ADAMTS6: variants seen among roughly 807,000 people sequenced by gnomAD.
ADAMTS6 encodes A disintegrin and metalloproteinase with thrombospondin motifs 6.
Under a neutral mutation model 144.3 loss-of-function variants are expected in ADAMTS6, and 23 were observed. That is an observed-to-expected ratio of 0.16 (90% CI 0.11 to 0.23). ADAMTS6 has a LOEUF of 0.23. ADAMTS6 is among the 10% of genes least tolerant of loss of function. The pLI is 1.00. For synonymous variants in ADAMTS6, 444 were observed against 457.5 expected (o/e 0.97, Z 0.38); for missense variants, 999 against 1,379.6 (o/e 0.72, Z 4.37).
At chr5:65,187,909 C>T in intron 22 of ADAMTS6, 107 bp downstream of exon 22, 1 of 1,137,938 alleles carries the variant, frequency 8.8e-7, no homozygotes, top group Non-Finnish European at 1.3e-6. Flanking sequence ...TTACACAGCC[C>T]TTACTTGTTG....
chr5:65,261,719 C>T (rs573535177), intron 13 of ADAMTS6, among the ~76,000 whole-genome samples: 3 of 151,968 alleles, frequency 2.0e-5, no homozygotes, highest in Non-Finnish European at 4.4e-5. Context: ...ATGGTGGTAG[C>T]ATGACTGGTT....
chr5:65,283,001 C>G (rs903207327), intron 11 of ADAMTS6, among the ~76,000 whole-genome samples: 43 of 152,202 alleles, frequency 2.8e-4, no homozygotes, highest in African/African-American at 9.9e-4. Context: ...TTGGGAAACT[C>G]TAAATTCTAG....
intron 20 of ADAMTS6, chr5:65,210,808 A>G (rs1756473418): frequency 1.9e-6 from 1 of 524,828 alleles, no homozygotes; most frequent in East Asian, 3.4e-5. Flanking sequence ...CATAAAGAAC[A>G]GTGTAACTCC....
chr5:65,371,678 C>G (rs1029782892), intron 7 of ADAMTS6, among the ~76,000 whole-genome samples: 1 of 152,108 alleles, frequency 6.6e-6, no homozygotes, highest in Non-Finnish European at 1.5e-5. Context: ...GAGAATGGAA[C>G]CAAGTTGGAA....
Position 65,471,087 on chromosome 5 carries a change from A to G in ADAMTS6, c.153T>C (p.Asp51=). The change falls in exon 3 of 25, where the codon GAT becomes GAC. Residue 51 remains aspartate (D), a synonymous_variant. Coordinates refer to ENST00000381055, the MANE Select transcript of ADAMTS6 (RefSeq NM_197941.4). ...TAAAGCTGAGAAATGCTCCATTTTG[A>G]TCAACCCTTATTGGAATAGTTAGCT... ...HYQLTIPIRV[D]QNGAFLSFTV... 2 of 1,610,462 alleles carry G rather than the reference A, an allele frequency of 1.2e-6. No individual in the cohort carries two copies. The highest frequency in any genetic ancestry group is 8.5e-7 in the Non-Finnish European group (1 of 1,178,710).
chr5:65,406,755 C>G (rs1754543520), intron 7 of ADAMTS6, among the ~76,000 whole-genome samples: 1 of 151,786 alleles, frequency 6.6e-6, no homozygotes, highest in Admixed American at 6.6e-5. Flanking sequence ...GGTTAGAATT[C>G]AGTATAATAT....
chr5:65,392,614 G>C (rs1340300078), intron 7 of ADAMTS6, among the ~76,000 whole-genome samples: 1 of 152,110 alleles, frequency 6.6e-6, no homozygotes, highest in Non-Finnish European at 1.5e-5. Flanking sequence ...TGACCCCATT[G>C]TTTTATTTAG....
intron 15 of ADAMTS6, among the ~76,000 whole-genome samples, chr5:65,241,652 G>A (rs1241680209): frequency 6.6e-6 from 1 of 152,120 alleles, no homozygotes; most frequent in Non-Finnish European, 1.5e-5. Flanking sequence ...TTCTAACTCT[G>A]AAAAAGAATA....
chr5:65,275,514 G>T (rs1254426776), intron 11 of ADAMTS6, among the ~76,000 whole-genome samples: 2 of 151,506 alleles, frequency 1.3e-5, no homozygotes, highest in Non-Finnish European at 2.9e-5. Flanking sequence ...AACATAAAAC[G>T]TTCTCATGTT....
In ADAMTS6 at chr5:65,273,365, C is replaced by T; in HGVS notation, c.1595G>A (p.Cys532Tyr). Residue 532 changes from cysteine to tyrosine, a missense_variant, in exon 12 of 25, where the codon TGT (cysteine) becomes TAT (tyrosine). Transcript: ENST00000381055. Reference protein sequence around the residue: ...NSIPAAEGTLCQTGNIEKGWC... With the variant: ...NSIPAAEGTLYQTGNIEKGWC... ...CCCTTTTTCAATATTCCCAGTTTGA[C>T]ACAGTGTCCCCTCAGCTGCTGGAAT... 6.2e-7 allele frequency: 1 copy of T among 1,613,854 alleles called. No homozygotes were observed. Among genetic ancestry groups the T allele is most frequent in the Non-Finnish European group, 8.5e-7 (1 of 1,179,780 alleles).
At chr5:65,183,145 T>C (rs1285191160) in intron 22 of ADAMTS6, among the ~76,000 whole-genome samples, 2 of 152,236 alleles carry the variant, frequency 1.3e-5, no homozygotes, top group Non-Finnish European at 2.9e-5. Context: ...CTTCTGACCT[T>C]ATGTCAGAGA....
chr5:65,447,525 C>A (rs1758361112), intron 7 of ADAMTS6, among the ~76,000 whole-genome samples: 1 of 151,986 alleles, frequency 6.6e-6, no homozygotes, highest in African/African-American at 2.4e-5. Context: ...AGACAATTTG[C>A]AAGTTTTATA....
At chr5:65,422,612 C>A (rs1157835838) in intron 7 of ADAMTS6, among the ~76,000 whole-genome samples, 1 of 150,672 alleles carries the variant, frequency 6.6e-6, no homozygotes, top group Non-Finnish European at 1.5e-5. Context: ...CAGAGCGAGA[C>A]TACGTCTCAA....
At chr5:65,450,545 A>G (rs979154799) in intron 7 of ADAMTS6, among the ~76,000 whole-genome samples, 8 of 152,206 alleles carry the variant, frequency 5.3e-5, no homozygotes, top group Non-Finnish European at 1.2e-4. Flanking sequence ...AGAGAGAATA[A>G]TGCTTCCATT....
intron 11 of ADAMTS6, among the ~76,000 whole-genome samples, chr5:65,285,871 C>T (rs1763323783): frequency 6.6e-6 from 1 of 152,058 alleles, no homozygotes; most frequent in Admixed American, 6.6e-5. Flanking sequence ...AAGTAATAAA[C>T]AGTATAATGT....
chr5:65,402,468 AATGATT>A (rs1754005267), intron 7 of ADAMTS6, among the ~76,000 whole-genome samples: 1 of 152,240 alleles, frequency 6.6e-6, no homozygotes, highest in African/African-American at 2.4e-5. Flanking sequence ...TACTTTCATC[AATGATT>A]ACTTCATACT....
intron 7 of ADAMTS6, among the ~76,000 whole-genome samples, chr5:65,434,710 T>C (rs1757256843): frequency 6.6e-6 from 1 of 152,222 alleles, no homozygotes; most frequent in East Asian, 1.9e-4. Flanking sequence ...AACTAATTGC[T>C]ACTTATTGAC....
chr5:65,293,938 T>C (rs1044089466), intron 10 of ADAMTS6, among the ~76,000 whole-genome samples: 2 of 152,174 alleles, frequency 1.3e-5, no homozygotes, highest in African/African-American at 2.4e-5. Flanking sequence ...AGGAAAACCA[T>C]ATGGATCTTT....
At chr5:65,281,218 A>G (rs1762965715) in intron 11 of ADAMTS6, among the ~76,000 whole-genome samples, 1 of 152,170 alleles carries the variant, frequency 6.6e-6, no homozygotes, top group Admixed American at 6.6e-5. Context: ...TTCGATATCA[A>G]TGTCCCAGAT....
Sources: gnomAD v4.1 joint callset for allele counts (sites outside exome capture counted in the v4.1 genomes callset) on GRCh38, gnomAD v4.1.1 for gene constraint, MANE v1.5 for transcripts, NCBI Gene and HGNC (gene_info 2026-07-23, HGNC 2026-07-21) for gene names.